ZNF518A: variants seen among roughly 807,000 people sequenced by gnomAD.
ZNF518A encodes the protein zinc finger protein 518.
A neutral mutation model predicts 102.7 loss-of-function variants in ZNF518A; 47 were observed. The observed-to-expected ratio is 0.46, with a 90% CI of 0.36 to 0.58. The LOEUF (loss-of-function observed/expected upper bound fraction) is 0.58, where lower values mean the gene tolerates loss of function less well. ZNF518A is among the 20% of genes least tolerant of loss of function. The pLI is 0.00. For missense variants in ZNF518A, 1,793 were observed against 1,699.8 expected, an observed-to-expected ratio of 1.05 and a Z score of -0.96; for synonymous variants, 652 against 594.6, an observed-to-expected ratio of 1.10 and a Z score of -1.40.
intron 3 of ZNF518A, among the ~76,000 whole-genome samples, chr10:96,150,696 T>G (rs1256618478): frequency 6.7e-6 from 1 of 149,926 alleles, no homozygotes; most frequent in Non-Finnish European, 1.5e-5. Context: ...ACTTGATTTT[T>G]TTTTAAGTTT....
chr10:96,177,234 A>G (rs2083210804), intron 1 of ZNF518A, among the ~76,000 whole-genome samples: 1 of 152,220 alleles, frequency 6.6e-6, no homozygotes. Flanking sequence ...TAGTGGAATG[A>G]TATTTTTAAA....
chr10:96,183,045 C>A (rs1009377358), intron 1 of ZNF518A, among the ~76,000 whole-genome samples: 2 of 152,126 alleles, frequency 1.3e-5, no homozygotes, highest in African/African-American at 4.8e-5. Flanking sequence ...CTGGTTTAGT[C>A]TTGGGAGGGT....
chr10:96,175,528 G>T (rs992006935), intron 1 of ZNF518A, among the ~76,000 whole-genome samples: 1 of 152,184 alleles, frequency 6.6e-6, no homozygotes, highest in Non-Finnish European at 1.5e-5. Flanking sequence ...AAAATTTAAA[G>T]GAGAGGAAGG....
chr10:96,202,443 G>C (rs2083670397), intron 1 of ZNF518A, among the ~76,000 whole-genome samples: 1 of 152,178 alleles, frequency 6.6e-6, no homozygotes, highest in African/African-American at 2.4e-5. Context: ...GAAGGTGTGT[G>C]AAGAAAGCAA....
At chr10:96,173,989 A>G (rs756733671) in intron 1 of ZNF518A, among the ~76,000 whole-genome samples, 6 of 152,176 alleles carry the variant, frequency 3.9e-5, no homozygotes, top group Non-Finnish European at 5.9e-5. Context: ...TGGCAATTGA[A>G]CAATACTCAT....
At chr10:96,189,630 T>C (rs2083297629) in intron 1 of ZNF518A, 5 of 708,466 alleles carry the variant, frequency 7.1e-6, no homozygotes, top group African/African-American at 6.9e-5. Flanking sequence ...ATTTGACTTT[T>C]GTGCATTTTT....
At chr10:96,177,639 C>A (rs2083213545) in intron 1 of ZNF518A, among the ~76,000 whole-genome samples, 1 of 151,890 alleles carries the variant, frequency 6.6e-6, no homozygotes. Context: ...ATTGTATAGC[C>A]TAGAGGAACC....
chr10:96,181,418 C>T lies in ZNF518A; in HGVS notation n.36-22156C>T, dbSNP rs587773207. The stretch of plus-strand genomic sequence containing the variant: ...TGGTGTTTTAGTCATGAAGTCCTTG[C>T]CCATGCCTATGTCCTGAATGGTATT... On this transcript the variant is annotated intron_variant and non_coding_transcript_variant, in intron 1 of 2. Transcript: ENST00000442635. 3.6e-4 allele frequency among the ~76,000 whole-genome samples: 55 copies of T among 152,236 alleles called. No individual in the cohort carries two copies. In the South Asian group the frequency reaches 0.01, roughly 29 times the overall value.
intron 1 of ZNF518A, among the ~76,000 whole-genome samples, chr10:96,194,887 C>A (rs1298108313): frequency 1.3e-5 from 2 of 150,174 alleles, no homozygotes; most frequent in Admixed American, 6.7e-5. Context: ...TCTCCTGCCT[C>A]AGCCTCCTGT....
chr10:96,199,998 A>G (rs1180604295), intron 1 of ZNF518A: 1 of 1,094,820 alleles, frequency 9.1e-7, no homozygotes, highest in Admixed American at 3.2e-5. Context: ...ACTGCACTCC[A>G]GTGAAACTGC....
At chr10:96,175,205 A>T (rs2083195853) in intron 1 of ZNF518A, among the ~76,000 whole-genome samples, 1 of 152,240 alleles carries the variant, frequency 6.6e-6, no homozygotes, top group Non-Finnish European at 1.5e-5. Context: ...AAAGACATCT[A>T]AAGAAAATTT....
rs2082686785 is a variant in ZNF518A at position 96,156,202 on chromosome 10, T to C, written c.-121T>C. On this transcript the variant is annotated 5_prime_UTR_variant, in exon 6 of 6. Coordinates refer to ENST00000316045, the MANE Select transcript of ZNF518A (RefSeq NM_001330736.2). ...AATTCTTTGTTTAATTTTAGGTGAGTTATTGTGGGAAAAATCCTGTATATT... is the reference window on the plus strand; with the variant it reads ...AATTCTTTGTTTAATTTTAGGTGAGCTATTGTGGGAAAAATCCTGTATATT... 2 of 858,980 alleles carry C rather than the reference T, an allele frequency of 2.3e-6. No homozygotes were observed. The highest frequency in any genetic ancestry group is 3.3e-6 in the Non-Finnish European group (2 of 610,342). 53.2% of individuals were successfully genotyped at this position (858,980 alleles called of 1,614,324 possible).
At chr10:96,171,077 A>G (rs1188520970) in intron 1 of ZNF518A, among the ~76,000 whole-genome samples, 1 of 151,876 alleles carries the variant, frequency 6.6e-6, no homozygotes, top group Non-Finnish European at 1.5e-5. Context: ...ACCCTCATAC[A>G]CTGTTGGTGG....
At chr10:96,195,197 C>T (rs1404646312) in intron 1 of ZNF518A, among the ~76,000 whole-genome samples, 2 of 152,166 alleles carry the variant, frequency 1.3e-5, no homozygotes, top group South Asian at 2.1e-4. Flanking sequence ...GTTAAACCCT[C>T]GTGTGCTGTT....
At chr10:96,204,523 G>T, downstream of ZNF518A, 1 of 1,613,450 alleles carries the variant, frequency 6.2e-7, no homozygotes, top group Non-Finnish European at 8.5e-7. Flanking sequence ...TAAAGGAAAG[G>T]ATTCTTACTT....
Position 96,157,045 on chromosome 10 carries a change from T to C in ZNF518A, c.723T>C (p.His241=). The C allele has an allele frequency of 6.2e-7, 1 of 1,613,744 alleles. No individual in the cohort carries two copies. Among genetic ancestry groups the C allele is most frequent in the Non-Finnish European group, 8.5e-7 (1 of 1,179,742 alleles). ...ATTATAAGTGTGGTAAATGTCATCA[T>C]GTATGTTTTACCAAAGGAGAGCTTC... is the stretch of plus-strand genomic sequence containing the variant. ...EIHYKCGKCH[H]VCFTKGELQK... is the part of the protein sequence containing the mutation. Residue 241 remains histidine (H), a synonymous_variant, in exon 6 of 6, where the codon CAT becomes CAC. Transcript: ENST00000316045.
intron 1 of ZNF518A, among the ~76,000 whole-genome samples, chr10:96,172,900 C>A (rs1451713374): frequency 3.9e-5 from 6 of 152,070 alleles, no homozygotes; most frequent in African/African-American, 1.4e-4. Context: ...AAATAAGATT[C>A]ATGTGCAGTA....
chr10:96,195,253 A>G (rs2083436741), intron 1 of ZNF518A, among the ~76,000 whole-genome samples: 1 of 152,100 alleles, frequency 6.6e-6, no homozygotes, highest in Admixed American at 6.5e-5. Flanking sequence ...AAAGTATGGG[A>G]GGTTCTCAAA....
rs937598379 is a variant in ZNF518A, at chr10:96,132,586, A to G, written c.-452A>G. ...TTAAAATCTTGGTCTTCATTTCCAG[A>G]TATCATCTCTTCTTTTGATCACTGT... is the stretch of plus-strand genomic sequence containing the variant. On this transcript the variant is annotated splice_region_variant and 5_prime_UTR_variant, in exon 2 of 6. Transcript: ENST00000316045. 6.6e-6 allele frequency: 1 copy of G among 151,020 alleles called. No homozygotes were observed. Among genetic ancestry groups the G allele is most frequent in the Non-Finnish European group, 1.5e-5 (1 of 67,820 alleles). 9.4% of individuals were successfully genotyped at this position (151,020 alleles called of 1,614,324 possible). A position where few individuals can be genotyped will look rare whatever the true frequency, so the allele number is the denominator to read the frequency against.
Sources: gnomAD v4.1 joint callset for allele counts (sites outside exome capture counted in the v4.1 genomes callset) on GRCh38, gnomAD v4.1.1 for gene constraint, MANE v1.5 for transcripts, NCBI Gene and HGNC (gene_info 2026-07-23, HGNC 2026-07-21) for gene names.